Variants in TRABD2B observed in about 807,000 individuals in gnomAD.
The protein encoded by TRABD2B is TraB domain containing 2B.
TRABD2B carries 14 observed loss-of-function variants against 40.1 expected under a neutral mutation model. The observed-to-expected ratio is 0.35, with a 90% CI of 0.23 to 0.55. The LOEUF (loss-of-function observed/expected upper bound fraction) is 0.55. Ranked by LOEUF, TRABD2B falls within the 20% of genes least tolerant of loss-of-function variation. TRABD2B has a pLI of 0.90. For missense variants in TRABD2B, 541 were observed against 648.6 expected (o/e 0.83, Z 1.80); for synonymous variants, 263 against 277.0 (o/e 0.95, Z 0.50).
chr1:47,954,162 G>T (rs1237933151), intron 2 of TRABD2B, among the ~76,000 whole-genome samples: 5 of 152,158 alleles, frequency 3.3e-5, no homozygotes, highest in African/African-American at 7.2e-5. Context: ...TGGTAAGGAG[G>T]TGACTGGCAA....
At chr1:47,974,282 C>T (rs1645723320) in intron 2 of TRABD2B, among the ~76,000 whole-genome samples, 1 of 152,126 alleles carries the variant, frequency 6.6e-6, no homozygotes. Context: ...GCTCCAGTTA[C>T]ATCCTTTCTG....
At chr1:47,785,674 T>C (rs1644586092) in intron 4 of TRABD2B, among the ~76,000 whole-genome samples, 1 of 152,308 alleles carries the variant, frequency 6.6e-6, no homozygotes, top group South Asian at 2.1e-4. Context: ...ATCCAGGCAA[T>C]GGCCATGCAG....
At position 47,935,420 on chromosome 1, in the gene TRABD2B, G is replaced by A. The variant is rs183230334; in HGVS notation, c.666+58614C>T. Among the ~76,000 whole-genome samples the A allele has an allele frequency of 9.5e-4, 144 of 152,280 alleles. 1 individual carries two copies. Among genetic ancestry groups the A allele is most frequent in the African/African-American group, 3.4e-3 (141 of 41,538 alleles). On this transcript the variant is annotated intron_variant, in intron 2 of 6. Coordinates refer to ENST00000606738, the MANE Select transcript of TRABD2B (RefSeq NM_001194986.2). The stretch of plus-strand genomic sequence containing the variant: ...TCACTGTATTGCAACAGGCTGTTTT[G>A]TCTCTTGCTTCATTAAAATAGAGCT...
At chr1:47,978,914 T>C (rs1036315753) in intron 2 of TRABD2B, among the ~76,000 whole-genome samples, 1 of 151,448 alleles carries the variant, frequency 6.6e-6, no homozygotes, top group Non-Finnish European at 1.5e-5. Context: ...AAGAAGGAGG[T>C]TGTGGGGAAG....
chr1:47,876,343 A>C (rs1451894070), intron 2 of TRABD2B, among the ~76,000 whole-genome samples: 1 of 152,206 alleles, frequency 6.6e-6, no homozygotes, highest in East Asian at 1.9e-4. Context: ...TTGAGAGAAC[A>C]AAGCACAGAT....
intron 2 of TRABD2B, among the ~76,000 whole-genome samples, chr1:47,936,416 C>G (rs903457605): frequency 2.0e-5 from 3 of 152,016 alleles, no homozygotes; most frequent in Non-Finnish European, 2.9e-5. Context: ...AACAGAGAAC[C>G]CAGCAGGTAT....
chr1:47,896,358 G>A (rs976033704), intron 2 of TRABD2B, among the ~76,000 whole-genome samples: 1 of 152,104 alleles, frequency 6.6e-6, no homozygotes, highest in African/African-American at 2.4e-5. Flanking sequence ...GGAGGCTCAA[G>A]GCTAACAAAG....
At chr1:47,903,001 G>A (rs902104620) in intron 2 of TRABD2B, among the ~76,000 whole-genome samples, 1 of 152,062 alleles carries the variant, frequency 6.6e-6, no homozygotes, top group African/African-American at 2.4e-5. Context: ...CTTCTGCCTG[G>A]AAAGTCATTC....
At chr1:47,907,614 T>C (rs992974439) in intron 2 of TRABD2B, among the ~76,000 whole-genome samples, 35 of 152,254 alleles carry the variant, frequency 2.3e-4, no homozygotes, top group African/African-American at 7.5e-4. Context: ...CATTATGCCA[T>C]GTCAGGAGGG....
At chr1:47,865,468 A>C (rs1644042206) in intron 2 of TRABD2B, among the ~76,000 whole-genome samples, 1 of 152,110 alleles carries the variant, frequency 6.6e-6, no homozygotes, top group African/African-American at 2.4e-5. Flanking sequence ...CTTCTGACCA[A>C]GTTTCACTGA....
At chr1:47,862,073 T>C (rs1557620653) in intron 2 of TRABD2B, among the ~76,000 whole-genome samples, 1 of 152,104 alleles carries the variant, frequency 6.6e-6, no homozygotes, top group Non-Finnish European at 1.5e-5. Flanking sequence ...TCTCAGTAAG[T>C]AGGAATAGAG....
At chr1:47,973,665 C>G (rs1271030492) in intron 2 of TRABD2B, among the ~76,000 whole-genome samples, 1 of 152,200 alleles carries the variant, frequency 6.6e-6, no homozygotes, top group Non-Finnish European at 1.5e-5. Flanking sequence ...CAGAGCCACA[C>G]CTACCTCACT....
rs1338722077 is a variant in TRABD2B at position 47,919,846 on chromosome 1, AG to A, written c.666+74187del. On this transcript the variant is annotated intron_variant, in intron 2 of 6. Coordinates refer to ENST00000606738, the MANE Select transcript of TRABD2B (RefSeq NM_001194986.2). ...AGGGATATGGTAGGGCTTCCTGGAG[AG>A]GGGGGTGCTGGTGCTGGGGCAGGAA... Among the ~76,000 whole-genome samples, 9 of 152,058 alleles carry A rather than the reference AG, an allele frequency of 5.9e-5. No individual in the cohort carries two copies. In the East Asian group the frequency reaches 9.7e-4, roughly 16 times the overall value.
chr1:47,879,021 C>T (rs544405119), intron 2 of TRABD2B, among the ~76,000 whole-genome samples: 2 of 151,466 alleles, frequency 1.3e-5, no homozygotes, highest in Non-Finnish European at 2.9e-5. Context: ...GGGACAATCA[C>T]CTGAGCCCGG....
intron 1 of TRABD2B, among the ~76,000 whole-genome samples, chr1:47,995,275 C>T (rs1646073141): frequency 6.6e-6 from 1 of 152,128 alleles, no homozygotes; most frequent in African/African-American, 2.4e-5. Flanking sequence ...CTACTTTGCT[C>T]GACCAGCTGA....
chr1:47,820,300 C>A (rs747251391), intron 2 of TRABD2B: 2 of 152,248 alleles, frequency 1.3e-5, no homozygotes, highest in African/African-American at 2.4e-5. Flanking sequence ...TAAGTCCAGT[C>A]CCCCTGAGCC....
intron 2 of TRABD2B, among the ~76,000 whole-genome samples, chr1:47,894,294 C>A (rs979388227): frequency 6.6e-6 from 1 of 152,182 alleles, no homozygotes; most frequent in African/African-American, 2.4e-5. Flanking sequence ...ATTTCCGTAT[C>A]TCTGTAATGG....
chr1:47,774,733 C>T (rs986772100), intron 6 of TRABD2B, among the ~76,000 whole-genome samples: 7 of 152,228 alleles, frequency 4.6e-5, no homozygotes, highest in African/African-American at 1.2e-4. Flanking sequence ...TCTTAGAGCA[C>T]GGTTCCCTTT....
intron 2 of TRABD2B, among the ~76,000 whole-genome samples, chr1:47,926,704 G>C (rs1644973641): frequency 6.6e-6 from 1 of 152,170 alleles, no homozygotes; most frequent in African/African-American, 2.4e-5. Flanking sequence ...GAGGGTTGAG[G>C]ATAGGGCATA....
Sources: gnomAD v4.1 joint callset for allele counts (sites outside exome capture counted in the v4.1 genomes callset) on GRCh38, gnomAD v4.1.1 for gene constraint, MANE v1.5 for transcripts, NCBI Gene and HGNC (gene_info 2026-07-23, HGNC 2026-07-21) for gene names.